Variants in PTCHD1 observed in about 807,000 individuals in gnomAD.
PTCHD1 encodes patched domain-containing protein 1.
A neutral mutation model predicts 34.6 loss-of-function variants in PTCHD1; 3 were observed. The observed-to-expected ratio is 0.09, with a 90% CI of 0.04 to 0.22. The LOEUF is 0.22. Ranked by LOEUF, PTCHD1 falls within the 10% of genes least tolerant of loss-of-function variation. The pLI is 1.00. For missense variants in PTCHD1, 504 were observed against 685.5 expected, an observed-to-expected ratio of 0.74 and a Z score of 2.96; for synonymous variants, 305 against 283.1, an observed-to-expected ratio of 1.08 and a Z score of -0.77.
chrX:23,358,023 G>A (rs1346406038), intron 1 of PTCHD1, among the ~76,000 whole-genome samples: 1 of 111,893 alleles, frequency 8.9e-6, no homozygotes, highest in African/African-American at 3.3e-5. Flanking sequence ...ATTCCATGGT[G>A]TATATGTGCC....
chrX:23,352,802 G>C (rs1439562168), intron 1 of PTCHD1, among the ~76,000 whole-genome samples: 1 of 112,327 alleles, frequency 8.9e-6, no homozygotes, highest in Non-Finnish European at 1.9e-5. Flanking sequence ...GGCAGCGTCA[G>C]TAGCACTGGC....
At chrX:23,344,512 G>C (rs1921423758) in intron 1 of PTCHD1, among the ~76,000 whole-genome samples, 1 of 112,082 alleles carries the variant, frequency 8.9e-6, no homozygotes, top group Admixed American at 9.4e-5. Context: ...AGGCAATAAT[G>C]GGTGCTCAAG....
At chrX:23,351,105 C>T (rs749602212) in intron 1 of PTCHD1, 7 of 491,080 alleles carry the variant, frequency 1.4e-5, no homozygotes, top group Non-Finnish European at 2.4e-5. Flanking sequence ...GTGCCATCTT[C>T]AAAATTTCAG....
Position 23,334,928 on chromosome X carries a change from G to T in PTCHD1, c.53G>T (p.Gly18Val). 1 of 1,203,804 alleles carries T rather than the reference G, an allele frequency of 8.3e-7. No individual in the cohort carries two copies. The highest frequency in any genetic ancestry group is 1.1e-6 in the Non-Finnish European group (1 of 891,828). ...RGLRTCFSRLGHFIASHPVFF... is the reference protein window; with the variant it reads ...RGLRTCFSRLVHFIASHPVFF... ...TTGAGGACGTGTTTCTCCCGGCTCG[G>T]CCACTTCATTGCCAGTCACCCTGTC... Residue 18 changes from glycine (G) to valine (V), a missense_variant, in exon 1 of 3, where the codon GGC becomes GTC. Gly to Val is a moderately radical substitution (Grantham distance 109). Coordinates refer to ENST00000379361, the MANE Select transcript of PTCHD1 (RefSeq NM_173495.3).
intron 2 of PTCHD1, among the ~76,000 whole-genome samples, chrX:23,385,115 T>C (rs1220482810): frequency 9.0e-6 from 1 of 111,690 alleles, no homozygotes; most frequent in Non-Finnish European, 1.9e-5. Context: ...TTACAGTATT[T>C]CCAAAGTTTG....
chrX:23,344,376 AGTGT>A (rs1191665247), intron 1 of PTCHD1, among the ~76,000 whole-genome samples: 1 of 112,209 alleles, frequency 8.9e-6, no homozygotes, highest in Non-Finnish European at 1.9e-5. Context: ...CCTTCTGTAA[AGTGT>A]GTTATCATTA....
chrX:23,381,822 G>A (rs754724572), intron 2 of PTCHD1, among the ~76,000 whole-genome samples: 2 of 111,803 alleles, frequency 1.8e-5, no homozygotes, highest in South Asian at 7.6e-4. Context: ...ATAACCTGCC[G>A]CTTTAAAATC....
intron 1 of PTCHD1, among the ~76,000 whole-genome samples, chrX:23,343,824 T>C (rs1233164545): frequency 8.9e-6 from 1 of 112,563 alleles, no homozygotes. Flanking sequence ...TTCTTTCTAA[T>C]TGTCTCAAGA....
rs1923017280 is a variant in PTCHD1 at position 23,397,438 on chromosome X, C to T, written c.*3253C>T. ...TCAGAGAAAAAGGAAGACAAACCCT[C>T]GTGAAATGTTTCTCCATTGTTCCAG... On this transcript the variant is annotated 3_prime_UTR_variant, in exon 3 of 3. Coordinates refer to ENST00000379361, the MANE Select transcript of PTCHD1 (RefSeq NM_173495.3). The T allele has an allele frequency of 1.8e-5, 2 of 112,265 alleles. No individual in the cohort carries two copies. The highest frequency in any genetic ancestry group is 3.2e-5 in the African/African-American group (1 of 30,940). The allele number at this position is 112,265 out of a possible 1,213,427, so 9.3% of individuals were successfully genotyped here. A position where few individuals can be genotyped will look rare whatever the true frequency, so the allele number is the denominator to read the frequency against.
In PTCHD1 at chrX:23,350,684, C is replaced by G. The variant is rs758885020; in HGVS notation, c.351+15458C>G. On this transcript the variant is annotated intron_variant, in intron 1 of 2. Coordinates refer to ENST00000379361, the MANE Select transcript of PTCHD1 (RefSeq NM_173495.3). ...AACCATGGAGGTGGAATTCATTGCCCGTGAAGAATATATTCTGTTATGACA... is the reference window on the plus strand; with the variant it reads ...AACCATGGAGGTGGAATTCATTGCCGGTGAAGAATATATTCTGTTATGACA... Among the ~76,000 whole-genome samples, 5 of 110,888 alleles carry G rather than the reference C, an allele frequency of 4.5e-5. No individual in the cohort carries two copies. In the South Asian group the frequency reaches 1.9e-3, roughly 43 times the overall value.
chrX:23,344,040 A>G (rs1032208678), intron 1 of PTCHD1, among the ~76,000 whole-genome samples: 2 of 112,388 alleles, frequency 1.8e-5, no homozygotes, highest in Non-Finnish European at 3.8e-5. Context: ...ATCTTGCTAA[A>G]ATACAGACTG....
rs1256719317 is a variant in PTCHD1, at chrX:23,401,789, C to A, written c.*7604C>A. ...ACCATTGAAAAAATGTTATCTTCCC[C>A]TTCTATATGTTTCTTATGCACGAGC... On this transcript the variant is annotated 3_prime_UTR_variant, in exon 3 of 3. Coordinates refer to ENST00000379361, the MANE Select transcript of PTCHD1 (RefSeq NM_173495.3). 8.9e-6 allele frequency: 1 copy of A among 112,838 alleles called. No homozygotes were observed. Among genetic ancestry groups the A allele is most frequent in the Admixed American group, 9.3e-5 (1 of 10,697 alleles). The allele number at this position is 112,838 out of a possible 1,213,427, so 9.3% of individuals were successfully genotyped here.
intron 1 of PTCHD1, among the ~76,000 whole-genome samples, chrX:23,364,371 GACACACACACACACACACACACACAC>G (rs200572986): frequency 5.4e-5 from 5 of 91,997 alleles, no homozygotes; most frequent in East Asian, 3.6e-4. Context: ...GAAGAGTGTA[GACACACACACACACACACACACACAC>G]ACACACACAC....
intron 1 of PTCHD1, among the ~76,000 whole-genome samples, chrX:23,366,552 C>G (rs1482962649): frequency 8.9e-6 from 1 of 111,800 alleles, no homozygotes; most frequent in Non-Finnish European, 1.9e-5. Context: ...CGCCCTGAGC[C>G]AAACCTCTGC....
At position 23,394,409 on chromosome X, in the gene PTCHD1, G is replaced by GACAC. The variant is rs34539351; in HGVS notation, c.*263_*266dup. The GACAC allele has an allele frequency of 0.059, 11,470 of 195,882 alleles. 289 individuals carry two copies. The highest frequency in any genetic ancestry group is 0.097 in the African/African-American group (2,636 of 27,037). 16.1% of individuals were successfully genotyped at this position (195,882 alleles called of 1,213,427 possible). On this transcript the variant is annotated 3_prime_UTR_variant, in exon 3 of 3. Transcript: ENST00000379361. ...TGTTATGAGAATTCACACACACATAGACACACACACACACACACACACACA... is the reference window on the plus strand; with the variant it reads ...TGTTATGAGAATTCACACACACATAGACACACACACACACACACACACACACACA...
intron 1 of PTCHD1, among the ~76,000 whole-genome samples, chrX:23,342,307 TATA>T (rs1410623688): frequency 6.7e-3 from 65 of 9,733 alleles, no homozygotes; most frequent in Non-Finnish European, 7.5e-3. Context: ...TATATATATA[TATA>T]TTTTTTTTTT....
chrX:23,374,868 C>T (rs1922369481), intron 1 of PTCHD1, among the ~76,000 whole-genome samples: 1 of 111,643 alleles, frequency 9.0e-6, no homozygotes. Context: ...GCTAGACCAA[C>T]ACCCTTTTTA....
At chrX:23,338,397 T>G (rs1442198142) in intron 1 of PTCHD1, among the ~76,000 whole-genome samples, 1 of 112,472 alleles carries the variant, frequency 8.9e-6, no homozygotes, top group Non-Finnish European at 1.9e-5. Flanking sequence ...TACGTTTCGT[T>G]GCGATCACCT....
Position 23,396,255 on chromosome X carries a change from C to T in PTCHD1, c.*2070C>T, listed in dbSNP as rs1007043961. The T allele has an allele frequency of 8.9e-6, 1 of 112,138 alleles. No individual in the cohort carries two copies. Among genetic ancestry groups the T allele is most frequent in the Non-Finnish European group, 1.9e-5 (1 of 53,220 alleles). The allele number at this position is 112,138 out of a possible 1,213,427, so 9.2% of individuals were successfully genotyped here. A position where few individuals can be genotyped will look rare whatever the true frequency, so the allele number is the denominator to read the frequency against. On this transcript the variant is annotated 3_prime_UTR_variant, in exon 3 of 3. Coordinates refer to ENST00000379361, the MANE Select transcript of PTCHD1 (RefSeq NM_173495.3). Reference sequence around the variant, plus strand: ...AGTCGTTCAGTCTTCTCTGCAGACACACTAAGTGATCATACCAACGTGTTA... The same window carrying T: ...AGTCGTTCAGTCTTCTCTGCAGACATACTAAGTGATCATACCAACGTGTTA...
Sources: gnomAD v4.1 joint callset for allele counts (sites outside exome capture counted in the v4.1 genomes callset) on GRCh38, gnomAD v4.1.1 for gene constraint, MANE v1.5 for transcripts, NCBI Gene and HGNC (gene_info 2026-07-23, HGNC 2026-07-21) for gene names.